Variants in GRID2 observed in about 807,000 individuals in gnomAD.
GRID2 encodes glutamate ionotropic receptor delta type subunit 2, also known as glutamate receptor ionotropic, delta-2.
In GRID2, 33 loss-of-function variants were observed where a neutral mutation model predicts 114.8. That is an observed-to-expected ratio of 0.29 (90% CI 0.22 to 0.38). GRID2 has a LOEUF of 0.38. Among genes scored for constraint, GRID2 ranks in the 10% least tolerant of loss-of-function variants. The pLI, the probability that GRID2 is intolerant of heterozygous loss-of-function variation, is 1.00. For missense variants in GRID2, 1,184 were observed against 1,257.7 expected (o/e 0.94, Z 0.89); for synonymous variants, 505 against 449.9 (o/e 1.12, Z -1.55).
At chr4:92,718,879 A>C (rs892982792) in intron 2 of GRID2, among the ~76,000 whole-genome samples, 2 of 152,026 alleles carry the variant, frequency 1.3e-5, no homozygotes, top group Non-Finnish European at 2.9e-5. Context: ...AATTTTTATT[A>C]AAGATTAAAA....
intron 4 of GRID2, among the ~76,000 whole-genome samples, chr4:93,185,918 C>T (rs1404019989): frequency 6.6e-6 from 1 of 152,122 alleles, no homozygotes; most frequent in Non-Finnish European, 1.5e-5. Flanking sequence ...CATGACAGGC[C>T]CCAGTGTGTG....
intron 1 of GRID2, among the ~76,000 whole-genome samples, chr4:92,521,518 A>G (rs1446850080): frequency 1.3e-5 from 2 of 151,990 alleles, no homozygotes; most frequent in African/African-American, 2.4e-5. Flanking sequence ...CTGAGCTATT[A>G]TTGTCCTTAT....
At chr4:93,460,335 A>G (rs1723624486) in intron 11 of GRID2, among the ~76,000 whole-genome samples, 2 of 152,122 alleles carry the variant, frequency 1.3e-5, no homozygotes, top group African/African-American at 4.8e-5. Context: ...GTTTGACCAT[A>G]AGACAAGACT....
chr4:92,755,113 G>A (rs1737647544), intron 2 of GRID2, among the ~76,000 whole-genome samples: 1 of 152,130 alleles, frequency 6.6e-6, no homozygotes, highest in African/African-American at 2.4e-5. Context: ...TACCATTTGT[G>A]CTGGCCTTTT....
intron 4 of GRID2, among the ~76,000 whole-genome samples, chr4:93,194,856 A>G (rs559819673): frequency 4.4e-4 from 67 of 152,282 alleles, no homozygotes; most frequent in Admixed American, 4.4e-3. Flanking sequence ...ATCAGAAACT[A>G]TTGGGGTAGG....
At chr4:92,782,686 A>T (rs1333305876) in intron 2 of GRID2, among the ~76,000 whole-genome samples, 1 of 152,136 alleles carries the variant, frequency 6.6e-6, no homozygotes, top group Non-Finnish European at 1.5e-5. Context: ...AGTGATGAAA[A>T]GACATGATTG....
chr4:92,928,114 AAACC>A (rs1341142048), intron 2 of GRID2, among the ~76,000 whole-genome samples: 1 of 151,828 alleles, frequency 6.6e-6, no homozygotes, highest in East Asian at 1.9e-4. Context: ...GAAACTTGAG[AAACC>A]AACAGAGAAT....
At chr4:92,807,489 G>T (rs1740475483) in intron 2 of GRID2, among the ~76,000 whole-genome samples, 1 of 151,894 alleles carries the variant, frequency 6.6e-6, no homozygotes, top group Admixed American at 6.6e-5. Flanking sequence ...AATAAGCAGT[G>T]AATACAAGGA....
intron 13 of GRID2, among the ~76,000 whole-genome samples, chr4:93,595,107 G>C (rs1260038151): frequency 2.0e-5 from 3 of 152,094 alleles, no homozygotes; most frequent in Non-Finnish European, 4.4e-5. Context: ...AAGACATGCT[G>C]CCTGCTCTCC....
chr4:92,366,287 C>A (rs1385494154), intron 1 of GRID2, among the ~76,000 whole-genome samples: 1 of 152,040 alleles, frequency 6.6e-6, no homozygotes, highest in Non-Finnish European at 1.5e-5. Context: ...TATCTCAACT[C>A]CTTGGAATCA....
chr4:92,648,785 G>C (rs1731769505), intron 2 of GRID2, among the ~76,000 whole-genome samples: 1 of 148,138 alleles, frequency 6.8e-6, no homozygotes, highest in Non-Finnish European at 1.5e-5. Flanking sequence ...TATTGCACTT[G>C]ATTCATTTAC....
At chr4:92,438,531 G>A (rs936904913) in intron 1 of GRID2, among the ~76,000 whole-genome samples, 2 of 151,448 alleles carry the variant, frequency 1.3e-5, no homozygotes, top group Non-Finnish European at 1.5e-5. Flanking sequence ...ATACTGTAAG[G>A]ATTCTATTAA....
chr4:92,932,415 T>G (rs1283395736), intron 2 of GRID2, among the ~76,000 whole-genome samples: 1 of 151,158 alleles, frequency 6.6e-6, no homozygotes, highest in Non-Finnish European at 1.5e-5. Flanking sequence ...TACCAAAATT[T>G]GGCAAGGATG....
chr4:92,430,996 G>T (rs1732413241), intron 1 of GRID2, among the ~76,000 whole-genome samples: 1 of 151,982 alleles, frequency 6.6e-6, no homozygotes, highest in Non-Finnish European at 1.5e-5. Flanking sequence ...AGTTCTAATA[G>T]TTTTCTTGTG....
intron 11 of GRID2, among the ~76,000 whole-genome samples, chr4:93,460,489 A>G (rs560424545): frequency 1.3e-5 from 2 of 152,136 alleles, no homozygotes; most frequent in Non-Finnish European, 2.9e-5. Flanking sequence ...TTATTTCTCT[A>G]CTTTCAAGAA....
intron 5 of GRID2, among the ~76,000 whole-genome samples, chr4:93,207,677 G>A (rs1742973243): frequency 6.6e-6 from 1 of 151,946 alleles, no homozygotes; most frequent in South Asian, 2.1e-4. Context: ...TTCTCACTGA[G>A]TCTCTTTTAG....
chr4:93,314,303 CAAAAAAAAAA>C (rs56977080), intron 8 of GRID2, among the ~76,000 whole-genome samples: 6 of 54,146 alleles, frequency 1.1e-4, no homozygotes, highest in Non-Finnish European at 2.0e-4. Context: ...GAGTCTGTCT[CAAAAAAAAAA>C]AAAAAAAAAA....
chr4:93,464,070 T>A (rs1020782703), intron 11 of GRID2, among the ~76,000 whole-genome samples: 4 of 152,210 alleles, frequency 2.6e-5, no homozygotes, highest in African/African-American at 9.7e-5. Context: ...TCAGTGTTTT[T>A]ACAGTACCAT....
At chr4:93,791,217 C>T (rs970317454) in intron 1 of GRID2, among the ~76,000 whole-genome samples, 2 of 151,956 alleles carry the variant, frequency 1.3e-5, no homozygotes, top group Admixed American at 1.3e-4. Context: ...TAAAAAAAAA[C>T]CTTTAAGACA....
Sources: allele counts gnomAD v4.1 joint callset (sites outside exome capture counted in the v4.1 genomes callset), GRCh38; gene constraint gnomAD v4.1.1; transcripts MANE v1.5; gene names NCBI Gene and HGNC (gene_info 2026-07-23, HGNC 2026-07-21).